Variants in FHIT observed in about 807,000 individuals in gnomAD.
FHIT encodes the protein fragile histidine triad diadenosine triphosphatase.
Under a neutral mutation model 17.9 loss-of-function variants are expected in FHIT, and 19 were observed. The observed-to-expected ratio is 1.06, with a 90% CI of 0.74 to 1.56. The LOEUF is 1.56. Ranked by LOEUF, FHIT falls within the 40% of genes most tolerant of loss-of-function variation. The pLI, the probability that FHIT is intolerant of heterozygous loss-of-function variation, is 0.00. For missense variants in FHIT, 248 were observed against 189.2 expected, an observed-to-expected ratio of 1.31 and a Z score of -1.82; for synonymous variants, 81 against 69.7, an observed-to-expected ratio of 1.16 and a Z score of -0.81.
chr3:60,650,010 C>T (rs556017965), intron 4 of FHIT, among the ~76,000 whole-genome samples: 1 of 152,278 alleles, frequency 6.6e-6, no homozygotes, highest in South Asian at 2.1e-4. Flanking sequence ...GAAACAAATG[C>T]ACCAAAATTA....
intron 5 of FHIT, among the ~76,000 whole-genome samples, chr3:60,159,841 T>G (rs936316305): frequency 6.6e-6 from 1 of 152,032 alleles, no homozygotes; most frequent in African/African-American, 2.4e-5. Flanking sequence ...GGGAACATGC[T>G]CATAACCATG....
intron 5 of FHIT, among the ~76,000 whole-genome samples, chr3:60,496,582 C>T (rs980419639): frequency 2.0e-5 from 3 of 152,174 alleles, no homozygotes; most frequent in Admixed American, 6.5e-5. Flanking sequence ...TATAGAACTG[C>T]TCTCCAATGT....
At chr3:60,165,154 G>C (rs942936920) in intron 5 of FHIT, among the ~76,000 whole-genome samples, 1 of 152,172 alleles carries the variant, frequency 6.6e-6, no homozygotes, top group African/African-American at 2.4e-5. Context: ...CAGGCTGTGA[G>C]CTCAGTGTTA....
At chr3:61,218,152 G>A (rs1264065682) in intron 1 of FHIT, among the ~76,000 whole-genome samples, 1 of 152,198 alleles carries the variant, frequency 6.6e-6, no homozygotes, top group Non-Finnish European at 1.5e-5. Flanking sequence ...GAATATGGAT[G>A]TGACTGTCCA....
At chr3:60,905,923 G>GT (rs1185229207) in intron 3 of FHIT, among the ~76,000 whole-genome samples, 1 of 151,988 alleles carries the variant, frequency 6.6e-6, no homozygotes, top group African/African-American at 2.4e-5. Context: ...CTTGAACCAG[G>GT]TAAGTTTTGA....
At chr3:60,744,165 G>A (rs549461125) in intron 4 of FHIT, among the ~76,000 whole-genome samples, 2 of 148,584 alleles carry the variant, frequency 1.3e-5, no homozygotes, top group East Asian at 2.0e-4. Flanking sequence ...CTCTCTTGCC[G>A]TCCACAGCAG....
intron 4 of FHIT, among the ~76,000 whole-genome samples, chr3:60,622,518 T>C (rs2039162786): frequency 6.6e-6 from 1 of 152,172 alleles, no homozygotes; most frequent in Admixed American, 6.5e-5. Context: ...ACAGGGACTA[T>C]AACAAAACAA....
intron 3 of FHIT, among the ~76,000 whole-genome samples, chr3:60,833,356 G>A (rs1553743091): frequency 1.3e-5 from 2 of 152,100 alleles, no homozygotes; most frequent in African/African-American, 4.8e-5. Flanking sequence ...GCAGTTATTT[G>A]TCATTCTTTC....
chr3:61,034,456 C>A (rs570864145), intron 3 of FHIT, among the ~76,000 whole-genome samples: 37 of 151,956 alleles, frequency 2.4e-4, no homozygotes, highest in East Asian at 1.2e-3. Flanking sequence ...AACAAAAAAA[C>A]CAGGTAATGG....
intron 5 of FHIT, among the ~76,000 whole-genome samples, chr3:60,038,504 T>C (rs1701312803): frequency 6.6e-6 from 1 of 152,182 alleles, no homozygotes; most frequent in South Asian, 2.1e-4. Flanking sequence ...TGCTTGTACG[T>C]TTGTCTTTAA....
chr3:59,897,107 A>C (rs1248787216), intron 8 of FHIT, among the ~76,000 whole-genome samples: 1 of 152,202 alleles, frequency 6.6e-6, no homozygotes, highest in East Asian at 1.9e-4. Flanking sequence ...GCAGGGTTCT[A>C]AAGTTTATAT....
chr3:59,836,423 G>A (rs578109328), intron 8 of FHIT, among the ~76,000 whole-genome samples: 1 of 152,276 alleles, frequency 6.6e-6, no homozygotes, highest in Non-Finnish European at 1.5e-5. Context: ...CAGCTGGCTG[G>A]CAAGGATGTC....
intron 5 of FHIT, among the ~76,000 whole-genome samples, chr3:60,316,290 G>A (rs1390519282): frequency 6.6e-6 from 1 of 152,098 alleles, no homozygotes; most frequent in Non-Finnish European, 1.5e-5. Flanking sequence ...ACATCCACCA[G>A]CATGATTTTT....
chr3:60,252,496 C>T (rs1349947359), intron 5 of FHIT, among the ~76,000 whole-genome samples: 13 of 151,970 alleles, frequency 8.6e-5, no homozygotes, highest in Admixed American at 8.5e-4. Context: ...ATAGGGGGGT[C>T]AAGGCTGCAC....
chr3:61,207,256 T>C (rs1272935135), intron 1 of FHIT, among the ~76,000 whole-genome samples: 3 of 152,196 alleles, frequency 2.0e-5, no homozygotes, highest in Non-Finnish European at 4.4e-5. Flanking sequence ...TTGATGTTCA[T>C]CAGGGATATT....
At chr3:59,962,817 A>T (rs1378700226) in intron 7 of FHIT, among the ~76,000 whole-genome samples, 1 of 152,266 alleles carries the variant, frequency 6.6e-6, no homozygotes, top group East Asian at 1.9e-4. Context: ...TGTGGGAATA[A>T]GAATCACAAT....
chr3:60,014,294 T>C, intron 5 of FHIT, 142 bp from the exon 6 acceptor site: 2 of 713,004 alleles, frequency 2.8e-6, no homozygotes, highest in East Asian at 5.4e-5. Flanking sequence ...ATATTTACCA[T>C]CCACTGAACT....
chr3:60,745,115 A>G (rs2042330676), intron 4 of FHIT, among the ~76,000 whole-genome samples: 1 of 152,182 alleles, frequency 6.6e-6, no homozygotes, highest in East Asian at 1.9e-4. Context: ...AGTCCAGAGA[A>G]AAGGAAGCTA....
chr3:60,035,835 T>G (rs183258637), intron 5 of FHIT, among the ~76,000 whole-genome samples: 1 of 152,356 alleles, frequency 6.6e-6, no homozygotes, highest in East Asian at 1.9e-4. Context: ...TCTGAATATC[T>G]TTTGACTTTC....
Sources: gnomAD v4.1 joint callset for allele counts (sites outside exome capture counted in the v4.1 genomes callset) on GRCh38, gnomAD v4.1.1 for gene constraint, MANE v1.5 for transcripts, NCBI Gene and HGNC (gene_info 2026-07-23, HGNC 2026-07-21) for gene names.